The following QTMAN variants were observed in gnomAD, a reference collection of about 807,000 sequenced individuals.
The protein encoded by QTMAN is queuosine-tRNA mannosyltransferase.
the QTMAN span, among the ~76,000 whole-genome samples, chr2:144,024,420 T>A: frequency 6.6e-6 from 1 of 152,222 alleles, no homozygotes. Flanking sequence ...CTTTTCTGGG[T>A]CCTGGATGCT....
the QTMAN span, among the ~76,000 whole-genome samples, chr2:144,041,027 TC>T: frequency 6.6e-6 from 1 of 152,262 alleles, no homozygotes; most frequent in African/African-American, 2.4e-5. Flanking sequence ...ATTCATTCAT[TC>T]ATCCATTCAT....
At chr2:144,226,724 T>A in the QTMAN span, among the ~76,000 whole-genome samples, 2 of 152,154 alleles carry the variant, frequency 1.3e-5, no homozygotes, top group Non-Finnish European at 2.9e-5. Flanking sequence ...GAGAGGAATT[T>A]ATTAAAATAG....
the QTMAN span, among the ~76,000 whole-genome samples, chr2:144,172,961 GT>G: frequency 5.3e-5 from 8 of 151,576 alleles, no homozygotes; most frequent in East Asian, 1.9e-4. Flanking sequence ...ATCTTCTTGT[GT>G]TTTTTTTCTT....
At chr2:144,040,550 C>T in the QTMAN span, among the ~76,000 whole-genome samples, 2 of 151,968 alleles carry the variant, frequency 1.3e-5, no homozygotes, top group South Asian at 2.1e-4. Flanking sequence ...CTATATACGT[C>T]GCTAAGACCC....
At chr2:144,137,796 C>T in the QTMAN span, among the ~76,000 whole-genome samples, 7 of 152,070 alleles carry the variant, frequency 4.6e-5, no homozygotes, top group Admixed American at 2.6e-4. Context: ...TCCTAAGTTT[C>T]TTTGGCTATG....
At chr2:144,301,526 T>C in the QTMAN span, among the ~76,000 whole-genome samples, 1 of 152,212 alleles carries the variant, frequency 6.6e-6, no homozygotes, top group East Asian at 1.9e-4. Flanking sequence ...CCAGGCCTTG[T>C]AGCTTCAAGA....
the QTMAN span, among the ~76,000 whole-genome samples, chr2:144,133,457 A>ATATATAT: frequency 1.0e-4 from 4 of 39,576 alleles, no homozygotes; most frequent in African/African-American, 1.7e-4. Context: ...ATAATATATA[A>ATATATAT]TATATATTAT....
chr2:144,299,646 A>C, the QTMAN span, among the ~76,000 whole-genome samples: 1 of 152,234 alleles, frequency 6.6e-6, no homozygotes, highest in African/African-American at 2.4e-5. Flanking sequence ...GTTGGTAAGA[A>C]TATGGAGAAA....
chr2:144,300,773 CAG>C, the QTMAN span, among the ~76,000 whole-genome samples: 1 of 151,868 alleles, frequency 6.6e-6, no homozygotes, highest in African/African-American at 2.4e-5. Context: ...GGGTGGAAAA[CAG>C]GGGTAGGGAT....
At chr2:143,998,940 C>T in the QTMAN span, among the ~76,000 whole-genome samples, 1 of 152,008 alleles carries the variant, frequency 6.6e-6, no homozygotes, top group Non-Finnish European at 1.5e-5. Flanking sequence ...CTGAATTCTT[C>T]CCACGAAGAG....
At chr2:144,179,526 A>G in the QTMAN span, among the ~76,000 whole-genome samples, 1 of 152,178 alleles carries the variant, frequency 6.6e-6, no homozygotes, top group Non-Finnish European at 1.5e-5. Context: ...CAATGTTCCT[A>G]AAAGTAGCCA....
At chr2:144,033,874 T>C in the QTMAN span, among the ~76,000 whole-genome samples, 1 of 152,210 alleles carries the variant, frequency 6.6e-6, no homozygotes, top group South Asian at 2.1e-4. Flanking sequence ...AGGAATTCTG[T>C]ATCAGGAACC....
At chr2:144,208,743 G>A in the QTMAN span, 2 of 1,613,744 alleles carry the variant, frequency 1.2e-6, no homozygotes, top group Non-Finnish European at 1.7e-6. Context: ...GCTGTTTATG[G>A]GAGCCTCCAT....
the QTMAN span, among the ~76,000 whole-genome samples, chr2:144,269,093 A>C: frequency 6.6e-6 from 1 of 152,128 alleles, no homozygotes; most frequent in African/African-American, 2.4e-5. Context: ...TCGGCCCCCA[A>C]GTTTCCATTT....
chr2:143,946,646 C>T, the QTMAN span: 6 of 161,310 alleles, frequency 3.7e-5, no homozygotes, highest in Non-Finnish European at 8.1e-5. Flanking sequence ...GCCATCGTGT[C>T]GGCGAAAAGA....
At chr2:144,143,887 CA>C in the QTMAN span, among the ~76,000 whole-genome samples, 1 of 151,748 alleles carries the variant, frequency 6.6e-6, no homozygotes, top group South Asian at 2.1e-4. Context: ...CTGACAGTGC[CA>C]AAAAAAGCAG....
chr2:143,964,330 G>A, the QTMAN span, among the ~76,000 whole-genome samples: 1 of 152,044 alleles, frequency 6.6e-6, no homozygotes, highest in Non-Finnish European at 1.5e-5. Flanking sequence ...AATAGGTTTA[G>A]GGAATGGTAT....
At chr2:144,196,278 T>C in the QTMAN span, among the ~76,000 whole-genome samples, 6 of 151,838 alleles carry the variant, frequency 4.0e-5, no homozygotes, top group Non-Finnish European at 1.5e-5. Flanking sequence ...CTTTGAATTA[T>C]ATTGGCTTTT....
the QTMAN span, among the ~76,000 whole-genome samples, chr2:144,284,403 T>C: frequency 6.6e-6 from 1 of 151,988 alleles, no homozygotes; most frequent in African/African-American, 2.4e-5. Flanking sequence ...ATGTGAGAAA[T>C]TATTATGATA....
Sources: allele counts gnomAD v4.1 joint callset (sites outside exome capture counted in the v4.1 genomes callset), GRCh38; gene constraint gnomAD v4.1.1; transcripts MANE v1.5; gene names NCBI Gene and HGNC (gene_info 2026-07-23, HGNC 2026-07-21).